SCAPER: variants seen among roughly 807,000 people sequenced by gnomAD.
The protein encoded by SCAPER is S-phase cyclin A associated protein in the ER, also known as S phase cyclin A-associated protein in the endoplasmic reticulum.
SCAPER carries 98 observed loss-of-function variants against 182.2 expected under a neutral mutation model. The observed-to-expected ratio is 0.54, with a 90% CI of 0.46 to 0.64. The LOEUF (loss-of-function observed/expected upper bound fraction) is 0.64, where lower values mean the gene tolerates loss of function less well. Ranked by LOEUF, SCAPER falls within the 30% of genes least tolerant of loss-of-function variation. SCAPER has a pLI of 0.00. For missense variants in SCAPER, 1,432 were observed against 1,690.0 expected, an observed-to-expected ratio of 0.85 and a Z score of 2.68; for synonymous variants, 605 against 564.6, an observed-to-expected ratio of 1.07 and a Z score of -1.01.
At chr15:76,628,705 C>T (rs549127988) in intron 21 of SCAPER, among the ~76,000 whole-genome samples, 13 of 152,114 alleles carry the variant, frequency 8.5e-5, no homozygotes, top group Admixed American at 2.0e-4. Context: ...TTGGGTAGCG[C>T]GATGTCTCCA....
chr15:76,777,425 G>A (rs939777208), intron 8 of SCAPER, among the ~76,000 whole-genome samples: 1 of 152,176 alleles, frequency 6.6e-6, no homozygotes, highest in African/African-American at 2.4e-5. Context: ...GAGGCCAGGG[G>A]TGGTGGCACA....
At chr15:76,524,218 A>G (rs1367773991) in intron 23 of SCAPER, among the ~76,000 whole-genome samples, 1 of 152,184 alleles carries the variant, frequency 6.6e-6, no homozygotes, top group Non-Finnish European at 1.5e-5. Context: ...TGAACCAGCC[A>G]TGCACGCAAC....
intron 21 of SCAPER, among the ~76,000 whole-genome samples, chr15:76,664,163 G>C (rs1004353189): frequency 6.6e-6 from 1 of 152,132 alleles, no homozygotes; most frequent in African/African-American, 2.4e-5. Flanking sequence ...AGCAGCGACA[G>C]GCTGTGACTT....
chr15:76,779,708 TG>T (rs1439589927), intron 8 of SCAPER, among the ~76,000 whole-genome samples: 11 of 34,370 alleles, frequency 3.2e-4, no homozygotes, highest in African/African-American at 7.2e-4. Context: ...ATTGTTACTC[TG>T]TTAAAAAAAA....
At position 76,719,660 on chromosome 15, in the gene SCAPER, T is replaced by G. The variant is rs566012686; in HGVS notation, c.2165+8935A>C. Among the ~76,000 whole-genome samples, 55 of 152,266 alleles carry G rather than the reference T, an allele frequency of 3.6e-4. 1 individual carries two copies. In the South Asian group the frequency reaches 0.011, roughly 30 times the overall value. On this transcript the variant is annotated intron_variant, in intron 17 of 31. Transcript: ENST00000563290. Reference sequence around the variant, plus strand: ...ATGTACACTACAACATTATGATGTATACCTTAAATAAACAACAAATAAAAA... The same window carrying G: ...ATGTACACTACAACATTATGATGTAGACCTTAAATAAACAACAAATAAAAA...
chr15:76,533,315 C>A (rs2043837636), intron 23 of SCAPER, among the ~76,000 whole-genome samples: 1 of 152,164 alleles, frequency 6.6e-6, no homozygotes, highest in South Asian at 2.1e-4. Context: ...GCAGCATATA[C>A]AACTGTGGTC....
intron 21 of SCAPER, among the ~76,000 whole-genome samples, chr15:76,643,374 G>A (rs1421899271): frequency 1.3e-5 from 2 of 152,126 alleles, no homozygotes; most frequent in East Asian, 1.9e-4. Context: ...GTGAGGAAGT[G>A]TGGGTCTTTA....
At chr15:76,603,801 ATG>A (rs2050112103) in intron 22 of SCAPER, among the ~76,000 whole-genome samples, 3 of 121,818 alleles carry the variant, frequency 2.5e-5, no homozygotes, top group African/African-American at 7.5e-5. Flanking sequence ...GCATTTTTTC[ATG>A]TGTCTGTTGG....
At chr15:76,614,339 A>G (rs930106672) in intron 22 of SCAPER, among the ~76,000 whole-genome samples, 1 of 152,186 alleles carries the variant, frequency 6.6e-6, no homozygotes, top group Non-Finnish European at 1.5e-5. Context: ...ACAAATCCCC[A>G]TGGCACAAGT....
chr15:76,548,500 C>T (rs541881901), intron 23 of SCAPER, among the ~76,000 whole-genome samples: 3 of 152,034 alleles, frequency 2.0e-5, no homozygotes, highest in Non-Finnish European at 4.4e-5. Context: ...AGTAGAGCAA[C>T]GTGAAAATAA....
chr15:76,400,707 A>C (rs1201613609), intron 27 of SCAPER, among the ~76,000 whole-genome samples: 1 of 152,202 alleles, frequency 6.6e-6, no homozygotes, highest in African/African-American at 2.4e-5. Context: ...AACCACCTGG[A>C]CCTTCTTTCT....
chr15:76,818,011 A>C lies in SCAPER; in HGVS notation c.394-13378T>G, dbSNP rs74546224. On this transcript the variant is annotated intron_variant, in intron 5 of 31. Coordinates refer to ENST00000563290, the MANE Select transcript of SCAPER (RefSeq NM_020843.4). ...AGTAGAGCCAATACAATTTTGAAGA[A>C]CAAAGCTGGTGGACTAACACTACCC... 2.0e-4 allele frequency among the ~76,000 whole-genome samples: 31 copies of C among 152,342 alleles called. No homozygotes were observed. The East Asian group carries it at 4.6e-3, about 23-fold the overall frequency.
intron 15 of SCAPER, among the ~76,000 whole-genome samples, chr15:76,737,759 A>G (rs1351174498): frequency 1.3e-5 from 2 of 152,226 alleles, no homozygotes; most frequent in African/African-American, 4.8e-5. Context: ...ATCTTCCTTC[A>G]GCTTCTACGT....
At position 76,542,450 on chromosome 15, in the gene SCAPER, G is replaced by C. The variant is rs935607197; in HGVS notation, c.2838+31708C>G. Among the ~76,000 whole-genome samples the C allele has an allele frequency of 9.2e-5, 14 of 151,994 alleles. 1 individual carries two copies. In the East Asian group the frequency reaches 2.7e-3, roughly 29 times the overall value. ...AGGCAGGAGAATCGCTTGAACCTGG[G>C]AGGCAGAGGTTGCAATGAGCTGAGA... On this transcript the variant is annotated intron_variant, in intron 23 of 31. Transcript: ENST00000563290.
intron 21 of SCAPER, among the ~76,000 whole-genome samples, chr15:76,663,590 TA>T (rs1020335941): frequency 9.5e-4 from 136 of 143,530 alleles, no homozygotes; most frequent in African/African-American, 1.1e-3. Context: ...TATAATCAGT[TA>T]AAAAAAAAAA....
intron 17 of SCAPER, among the ~76,000 whole-genome samples, chr15:76,708,316 T>C (rs189638242): frequency 8.1e-4 from 123 of 152,240 alleles, no homozygotes; most frequent in Admixed American, 1.8e-3. Flanking sequence ...AATCTGCAGA[T>C]GTGGAACCTC....
At chr15:76,735,466 G>A (rs1238668738) in intron 15 of SCAPER, among the ~76,000 whole-genome samples, 1 of 152,028 alleles carries the variant, frequency 6.6e-6, no homozygotes, top group Admixed American at 6.6e-5. Context: ...GGGAGGCCGA[G>A]ACAGGCAGAT....
intron 8 of SCAPER, among the ~76,000 whole-genome samples, chr15:76,782,421 C>T (rs2064221622): frequency 2.6e-5 from 4 of 152,150 alleles, no homozygotes; most frequent in Admixed American, 2.6e-4. Context: ...GACTCCCACA[C>T]AATAATAATG....
chr15:76,888,672 C>G (rs745768932), intron 1 of SCAPER, among the ~76,000 whole-genome samples: 1 of 152,128 alleles, frequency 6.6e-6, no homozygotes, highest in Non-Finnish European at 1.5e-5. Context: ...GAAATATGCA[C>G]TATGTGAAAA....
Sources: gnomAD v4.1 joint callset for allele counts (sites outside exome capture counted in the v4.1 genomes callset) on GRCh38, gnomAD v4.1.1 for gene constraint, MANE v1.5 for transcripts, NCBI Gene and HGNC (gene_info 2026-07-23, HGNC 2026-07-21) for gene names.